Variants in ZFYVE9 observed in about 807,000 individuals in gnomAD.
ZFYVE9 encodes the protein zinc finger FYVE-type containing 9.
Under a neutral mutation model 126.7 loss-of-function variants are expected in ZFYVE9, and 43 were observed. That is an observed-to-expected ratio of 0.34 (90% CI 0.27 to 0.44). The LOEUF is 0.44. ZFYVE9 is among the 20% of genes least tolerant of loss of function. The pLI, the probability that ZFYVE9 is intolerant of heterozygous loss-of-function variation, is 1.00. For missense variants in ZFYVE9, 1,476 were observed against 1,697.0 expected (o/e 0.87, Z 2.29); for synonymous variants, 521 against 597.4 (o/e 0.87, Z 1.87).
intron 15 of ZFYVE9, among the ~76,000 whole-genome samples, chr1:52,336,197 A>G (rs1646386978): frequency 6.6e-6 from 1 of 151,994 alleles, no homozygotes; most frequent in East Asian, 1.9e-4. Context: ...TACGTAGATA[A>G]TCTTACATAT....
At chr1:52,155,014 G>A (rs923512462) in intron 1 of ZFYVE9, among the ~76,000 whole-genome samples, 1 of 152,158 alleles carries the variant, frequency 6.6e-6, no homozygotes, top group Non-Finnish European at 1.5e-5. Flanking sequence ...CCTGCTTATA[G>A]CAGTCTTCTT....
chr1:52,162,894 GA>G, intron 1 of ZFYVE9: 2 of 506,594 alleles, frequency 3.9e-6, no homozygotes, highest in Non-Finnish European at 7.5e-6. Context: ...CAGAGTGTTT[GA>G]AAACCCTTGA....
intron 13 of ZFYVE9, among the ~76,000 whole-genome samples, chr1:52,326,084 A>G (rs1435953291): frequency 6.6e-6 from 1 of 152,220 alleles, no homozygotes; most frequent in Non-Finnish European, 1.5e-5. Flanking sequence ...TGTAGCATTT[A>G]GCTCAGCTTG....
Position 52,293,571 on chromosome 1 carries a change from C to T in ZFYVE9, c.3144C>T (p.Leu1048=), listed in dbSNP as rs765044463. Residue 1048 remains leucine, a synonymous_variant, in exon 11 of 19, where the codon CTC becomes CTT. Coordinates refer to ENST00000287727, the MANE Select transcript of ZFYVE9 (RefSeq NM_004799.4). ...STYQSLQDLV[L]PTPPYLFGIL... is the part of the protein sequence containing the mutation. ...ACCAGTCACTGCAAGACCTAGTACT[C>T]CCAACCCCACCTTACTTGTTTGGGA... is the stretch of plus-strand genomic sequence containing the variant. The T allele has an allele frequency of 1.5e-5, 24 of 1,613,928 alleles. No individual in the cohort carries two copies. Among genetic ancestry groups the T allele is most frequent in the Non-Finnish European group, 1.9e-5 (23 of 1,180,018 alleles).
chr1:52,244,762 C>T (rs4926912), intron 4 of ZFYVE9, among the ~76,000 whole-genome samples: 1 of 152,164 alleles, frequency 6.6e-6, no homozygotes, highest in Non-Finnish European at 1.5e-5. Context: ...CTTTGCGATA[C>T]AAGCATTTTA....
rs1317719111 is a variant in ZFYVE9, at chr1:52,336,469, G to A, written c.3671-1303G>A. 1.4e-5 allele frequency among the ~76,000 whole-genome samples: 2 copies of A among 144,166 alleles called. 1 individual carries two copies. Among genetic ancestry groups the A allele is most frequent in the East Asian group, 4.2e-4 (2 of 4,742 alleles). The allele number at this position is 144,166 out of a possible 152,430, so 94.6% of individuals were successfully genotyped here. A position where few individuals can be genotyped will look rare whatever the true frequency, so the allele number is the denominator to read the frequency against. On this transcript the variant is annotated intron_variant, in intron 15 of 18. Transcript: ENST00000287727. ...AACTTCTACCTCAAGTGATTCTCCT[G>A]CCTCAGTCTCCTGAGTAGCTGAAAT...
chr1:52,191,144 T>G (rs1266447722), intron 1 of ZFYVE9, among the ~76,000 whole-genome samples: 2 of 152,152 alleles, frequency 1.3e-5, no homozygotes, highest in Non-Finnish European at 2.9e-5. Context: ...TTCACCATGT[T>G]GCCCAGGCTG....
chr1:52,191,537 T>G (rs189682120), intron 1 of ZFYVE9, among the ~76,000 whole-genome samples: 250 of 152,338 alleles, frequency 1.6e-3, no homozygotes, highest in African/African-American at 5.8e-3. Flanking sequence ...TAGAATTCTT[T>G]ATGAAGTATT....
intron 1 of ZFYVE9, among the ~76,000 whole-genome samples, chr1:52,145,660 T>G (rs1380023683): frequency 2.0e-5 from 3 of 152,152 alleles, no homozygotes; most frequent in Non-Finnish European, 4.4e-5. Flanking sequence ...GTGTTTGTCA[T>G]GTAGGAGGTG....
chr1:52,187,301 T>G (rs2124549998), intron 1 of ZFYVE9, among the ~76,000 whole-genome samples: 1 of 152,242 alleles, frequency 6.6e-6, no homozygotes, highest in Middle Eastern at 3.4e-3. Context: ...CTTTATACCA[T>G]GCACAAAAAT....
At chr1:52,205,565 G>A (rs1447694839) in intron 1 of ZFYVE9, among the ~76,000 whole-genome samples, 1 of 150,694 alleles carries the variant, frequency 6.6e-6, no homozygotes, top group Non-Finnish European at 1.5e-5. Context: ...TAGAGACTGG[G>A]TCTCGCTATG....
At chr1:52,289,660 T>C (rs1254969270) in intron 10 of ZFYVE9, among the ~76,000 whole-genome samples, 1 of 152,212 alleles carries the variant, frequency 6.6e-6, no homozygotes, top group African/African-American at 2.4e-5. Flanking sequence ...TTTCTTTCTT[T>C]GTCAAATTCT....
intron 1 of ZFYVE9, among the ~76,000 whole-genome samples, chr1:52,202,711 A>G (rs1644935436): frequency 6.6e-6 from 1 of 150,662 alleles, no homozygotes; most frequent in South Asian, 2.1e-4. Flanking sequence ...TTTGAGATGA[A>G]GTCTTACTCT....
intron 1 of ZFYVE9, among the ~76,000 whole-genome samples, chr1:52,207,634 A>G (rs1049414821): frequency 2.0e-5 from 3 of 152,240 alleles, no homozygotes; most frequent in Admixed American, 2.0e-4. Flanking sequence ...TTTTAGGATC[A>G]AATTTACTTA....
intron 16 of ZFYVE9, 118 bp from the exon 17 acceptor site, chr1:52,340,008 G>A (rs926427889): frequency 4.0e-6 from 3 of 749,620 alleles, no homozygotes; most frequent in Non-Finnish European, 7.0e-6. Flanking sequence ...CTGCACAGGT[G>A]TGTTCAGCAG....
At chr1:52,298,217 C>T (rs540549335) in intron 12 of ZFYVE9, among the ~76,000 whole-genome samples, 1 of 152,070 alleles carries the variant, frequency 6.6e-6, no homozygotes, top group East Asian at 1.9e-4. Context: ...TCTAAAAATT[C>T]ATTGCCTAGC....
chr1:52,323,375 A>G (rs1435896931), intron 13 of ZFYVE9, among the ~76,000 whole-genome samples: 1 of 152,152 alleles, frequency 6.6e-6, no homozygotes, highest in Non-Finnish European at 1.5e-5. Flanking sequence ...TCATTGTATA[A>G]TAGTTTTATG....
intron 17 of ZFYVE9, among the ~76,000 whole-genome samples, chr1:52,342,952 G>A (rs1361389271): frequency 6.6e-6 from 1 of 151,466 alleles, no homozygotes; most frequent in East Asian, 2.0e-4. Context: ...TGTCACCCAG[G>A]CTGGAGTGCA....
Position 52,332,490 on chromosome 1 carries a change from T to C in ZFYVE9, c.3439-278T>C, listed in dbSNP as rs1225973376. On this transcript the variant is annotated intron_variant, in intron 13 of 18. Coordinates refer to ENST00000287727, the MANE Select transcript of ZFYVE9 (RefSeq NM_004799.4). ...AATTAGCTAAACTAATTTTAGCTAC[T>C]TGAGTTCAATCAGCAATAAGACAAA... is the stretch of plus-strand genomic sequence containing the variant. Among the ~76,000 whole-genome samples the C allele has an allele frequency of 6.0e-4, 2 of 3,328 alleles. 1 individual carries two copies. The highest frequency in any genetic ancestry group is 0.33 in the East Asian group (2 of 6). The allele number at this position is 3,328 out of a possible 152,430, so 2.2% of individuals were successfully genotyped here.
Sources: gnomAD v4.1 joint callset for allele counts (sites outside exome capture counted in the v4.1 genomes callset) on GRCh38, gnomAD v4.1.1 for gene constraint, MANE v1.5 for transcripts, NCBI Gene and HGNC (gene_info 2026-07-23, HGNC 2026-07-21) for gene names.